AUTS2: variants seen among roughly 807,000 people sequenced by gnomAD.
The protein encoded by AUTS2 is autism susceptibility gene 2 protein.
Under a neutral mutation model 112.4 loss-of-function variants are expected in AUTS2, and 17 were observed. The ratio of observed to expected loss-of-function variants is 0.15; its 90% CI spans 0.10 to 0.23. AUTS2 has a LOEUF of 0.23. AUTS2 is among the 10% of genes least tolerant of loss of function. The pLI is 1.00. For synonymous variants in AUTS2, 751 were observed against 702.7 expected, an observed-to-expected ratio of 1.07 and a Z score of -1.09; for missense variants, 1,510 against 1,701.6, an observed-to-expected ratio of 0.89 and a Z score of 1.98.
intron 6 of AUTS2, among the ~76,000 whole-genome samples, chr7:70,706,449 T>C (rs1294745067): frequency 6.6e-6 from 1 of 152,114 alleles, no homozygotes; most frequent in African/African-American, 2.4e-5. Context: ...TCCACAGGGA[T>C]CCACAGGGCC....
chr7:69,805,819 C>G (rs76880487), intron 1 of AUTS2, among the ~76,000 whole-genome samples: 3,369 of 152,288 alleles, frequency 0.022, 118 homozygotes, highest in African/African-American at 0.074. Context: ...AGTATTTAGG[C>G]AGCAGTGACA....
chr7:69,908,571 C>T (rs1795236609), intron 2 of AUTS2, among the ~76,000 whole-genome samples: 1 of 152,194 alleles, frequency 6.6e-6, no homozygotes, highest in Non-Finnish European at 1.5e-5. Context: ...TGAGCTGTGC[C>T]ATGTGGCCTT....
At chr7:69,801,736 C>G (rs758975201) in intron 1 of AUTS2, among the ~76,000 whole-genome samples, 6 of 151,958 alleles carry the variant, frequency 3.9e-5, no homozygotes, top group Non-Finnish European at 8.8e-5. Context: ...TCTAGGTGCT[C>G]AAGACACAAC....
At chr7:70,504,504 T>TG (rs1179945944) in intron 5 of AUTS2, among the ~76,000 whole-genome samples, 1 of 152,154 alleles carries the variant, frequency 6.6e-6, no homozygotes, top group Non-Finnish European at 1.5e-5. Flanking sequence ...AGAGAGGACT[T>TG]GCAGATGAAA....
chr7:70,689,925 C>A (rs117071572), intron 5 of AUTS2, among the ~76,000 whole-genome samples: 2 of 152,260 alleles, frequency 1.3e-5, no homozygotes, highest in Non-Finnish European at 2.9e-5. Context: ...CAGTAGAAGG[C>A]AAGGCTATGG....
At chr7:70,026,998 A>G (rs1437912346) in intron 2 of AUTS2, among the ~76,000 whole-genome samples, 2 of 151,920 alleles carry the variant, frequency 1.3e-5, no homozygotes, top group Non-Finnish European at 2.9e-5. Context: ...TACGTTTAGT[A>G]CAGTATCCAA....
chr7:69,719,431 G>A (rs1445146524), intron 1 of AUTS2, among the ~76,000 whole-genome samples: 3 of 152,166 alleles, frequency 2.0e-5, no homozygotes, highest in Admixed American at 6.5e-5. Flanking sequence ...TTAAATGCTG[G>A]GGGGAATTGT....
intron 5 of AUTS2, among the ~76,000 whole-genome samples, chr7:70,556,081 C>T (rs181854199): frequency 1.3e-5 from 2 of 152,312 alleles, no homozygotes; most frequent in East Asian, 3.9e-4. Flanking sequence ...GCTGGGATTA[C>T]AGGCATGAGC....
At chr7:69,719,226 C>G (rs1379659804) in intron 1 of AUTS2, among the ~76,000 whole-genome samples, 1 of 152,136 alleles carries the variant, frequency 6.6e-6, no homozygotes, top group East Asian at 1.9e-4. Context: ...CTAATTTCTT[C>G]TTTCACACTT....
intron 2 of AUTS2, among the ~76,000 whole-genome samples, chr7:69,984,006 T>C (rs777632718): frequency 2.0e-5 from 3 of 152,192 alleles, no homozygotes; most frequent in Non-Finnish European, 4.4e-5. Context: ...ATCACTCTTT[T>C]TTATGCAGGA....
At chr7:70,654,393 C>G (rs930416755) in intron 5 of AUTS2, among the ~76,000 whole-genome samples, 2 of 152,110 alleles carry the variant, frequency 1.3e-5, no homozygotes, top group African/African-American at 4.8e-5. Flanking sequence ...TCACTATGTT[C>G]CAATAAAACT....
chr7:70,213,458 T>G (rs1009576843), intron 4 of AUTS2, among the ~76,000 whole-genome samples: 14 of 151,244 alleles, frequency 9.3e-5, no homozygotes, highest in African/African-American at 3.4e-4. Flanking sequence ...ACTGGATCAC[T>G]TGAGGAGTTT....
At chr7:69,629,127 C>A (rs915857135) in intron 1 of AUTS2, among the ~76,000 whole-genome samples, 1 of 152,036 alleles carries the variant, frequency 6.6e-6, no homozygotes, top group Non-Finnish European at 1.5e-5. Flanking sequence ...TGTTGTATAC[C>A]CTTTTGCTAC....
At chr7:69,785,280 A>C (rs1010511228) in intron 1 of AUTS2, among the ~76,000 whole-genome samples, 15 of 152,154 alleles carry the variant, frequency 9.9e-5, no homozygotes, top group African/African-American at 3.4e-4. Flanking sequence ...GTTTCTCTGG[A>C]TATTCAGACT....
intron 5 of AUTS2, among the ~76,000 whole-genome samples, chr7:70,578,561 T>C (rs1302593550): frequency 1.3e-5 from 2 of 152,230 alleles, no homozygotes; most frequent in Non-Finnish European, 2.9e-5. Flanking sequence ...GTTAGTAAAC[T>C]AGAGCACCAA....
intron 1 of AUTS2, among the ~76,000 whole-genome samples, chr7:69,663,905 C>G (rs1019113405): frequency 6.6e-6 from 1 of 152,096 alleles, no homozygotes; most frequent in African/African-American, 2.4e-5. Flanking sequence ...AAATAGATCC[C>G]AAAATGAATC....
At chr7:69,720,879 G>A (rs1173020184) in intron 1 of AUTS2, among the ~76,000 whole-genome samples, 4 of 152,152 alleles carry the variant, frequency 2.6e-5, no homozygotes, top group Non-Finnish European at 5.9e-5. Context: ...GAGGAAACAG[G>A]ACAACAGCGT....
At chr7:70,509,700 T>C (rs1418889322) in intron 5 of AUTS2, among the ~76,000 whole-genome samples, 1 of 152,144 alleles carries the variant, frequency 6.6e-6, no homozygotes, top group Non-Finnish European at 1.5e-5. Flanking sequence ...CTTTTGACAT[T>C]TTTGAGCATA....
intron 1 of AUTS2, among the ~76,000 whole-genome samples, chr7:69,605,614 C>T (rs1792676454): frequency 6.6e-6 from 1 of 152,152 alleles, no homozygotes; most frequent in Non-Finnish European, 1.5e-5. Flanking sequence ...GTTAAAACAA[C>T]GATTTCAAAT....
Sources: gnomAD v4.1 joint callset for allele counts (sites outside exome capture counted in the v4.1 genomes callset) on GRCh38, gnomAD v4.1.1 for gene constraint, MANE v1.5 for transcripts, NCBI Gene and HGNC (gene_info 2026-07-23, HGNC 2026-07-21) for gene names.